ZNF558: variants seen among roughly 807,000 people sequenced by gnomAD.
The protein encoded by ZNF558 is zinc finger protein 558.
A neutral mutation model predicts 37.6 loss-of-function variants in ZNF558; 23 were observed. The observed-to-expected ratio is 0.61, with a 90% CI of 0.44 to 0.87. ZNF558 has a LOEUF of 0.87. Ranked by LOEUF, ZNF558 falls within the 40% of genes least tolerant of loss-of-function variation. The pLI, the probability that ZNF558 is intolerant of heterozygous loss-of-function variation, is 0.00. For synonymous variants in ZNF558, 189 were observed against 174.4 expected (o/e 1.08, Z -0.66); for missense variants, 429 against 483.7 (o/e 0.89, Z 1.06).
intron 2 of ZNF558, 198 bp downstream of exon 2, chr19:8,831,120 G>A (rs1420275422): frequency 1.3e-5 from 2 of 152,102 alleles, no homozygotes; most frequent in Non-Finnish European, 2.9e-5. Context: ...ATACTTATTT[G>A]CATGTAACTG....
intron 2 of ZNF558, among the ~76,000 whole-genome samples, chr19:8,827,455 C>G (rs979852948): frequency 3.3e-5 from 5 of 152,254 alleles, no homozygotes; most frequent in South Asian, 2.1e-4. Flanking sequence ...GCATCACCCT[C>G]TGGCCCACAA....
chr19:8,833,724 T>TA (rs2044416659), upstream of ZNF558, among the ~76,000 whole-genome samples: 1 of 151,446 alleles, frequency 6.6e-6, no homozygotes, highest in South Asian at 2.1e-4. Flanking sequence ...CCTGGTGGCT[T>TA]ACGCTTGTAA....
intron 2 of ZNF558, among the ~76,000 whole-genome samples, chr19:8,827,571 CTTTTTTTTTTTTT>C (rs386388513): frequency 1.1e-5 from 1 of 94,106 alleles, no homozygotes; most frequent in East Asian, 3.7e-4. Flanking sequence ...TTTCCCTATT[CTTTTTTTTTTTTT>C]TTTTTTTTTT....
chr19:8,828,960 C>T (rs2044290681), intron 2 of ZNF558, among the ~76,000 whole-genome samples: 1 of 139,562 alleles, frequency 7.2e-6, no homozygotes, highest in African/African-American at 2.7e-5. Flanking sequence ...GAGATTCTGT[C>T]TCATTAAAAA....
At chr19:8,829,559 T>C (rs1183137792) in intron 2 of ZNF558, among the ~76,000 whole-genome samples, 3 of 152,178 alleles carry the variant, frequency 2.0e-5, no homozygotes, top group Non-Finnish European at 4.4e-5. Context: ...AAAATTTATC[T>C]TCCCTGTTAG....
intron 7 of ZNF558, among the ~76,000 whole-genome samples, chr19:8,820,785 G>A (rs1293308530): frequency 1.3e-5 from 2 of 152,156 alleles, no homozygotes; most frequent in African/African-American, 2.4e-5. Flanking sequence ...CCATAGCTAA[G>A]TTTTTAAAAC....
intron 7 of ZNF558, among the ~76,000 whole-genome samples, chr19:8,814,195 C>T (rs1555769481): frequency 2.6e-5 from 4 of 152,152 alleles, no homozygotes; most frequent in African/African-American, 9.7e-5. Context: ...CCTCTTTCCC[C>T]TGCTTTTTCT....
chr19:8,821,194 T>C lies in ZNF558; in HGVS notation c.233A>G (p.Asn78Ser), dbSNP rs2044078814. 1 of 1,613,984 alleles carries C rather than the reference T, an allele frequency of 6.2e-7. No homozygotes were observed. Among genetic ancestry groups the C allele is most frequent in the Non-Finnish European group, 8.5e-7 (1 of 1,179,902 alleles). Reference sequence around the variant, plus strand: ...ATTAGGCTTACCTAGTGAGGCCAGGTTCCTGCAGTTCTCCAGCATCACATC... The same window carrying C: ...ATTAGGCTTACCTAGTGAGGCCAGGCTCCTGCAGTTCTCCAGCATCACATC... ...YRDVMLENCR[N>S]LASLGCRVNK... Residue 78 changes from asparagine (N) to serine (S), a missense_variant, in exon 7 of 10, where the codon AAC (asparagine) becomes AGC (serine). Asn to Ser is a conservative substitution (Grantham distance 46). Transcript: ENST00000601372.
Position 8,821,253 on chromosome 19 carries a change from C to T in ZNF558, c.174G>A (p.Ala58=), listed in dbSNP as rs373869285. The T allele has an allele frequency of 5.7e-5, 92 of 1,614,074 alleles. 1 individual carries two copies. The highest frequency in any genetic ancestry group is 4.9e-4 in the Middle Eastern group (3 of 6,084). The stretch of plus-strand genomic sequence containing the variant: ...GTGTCCTTTGGGCAGGGTCCAGCAA[C>T]GCCCACTCCTCCTGGGTGAACTCCA... ...VAVEFTQEEW[A]LLDPAQRTLY... The change falls in exon 7 of 10, where the codon GCG becomes GCA. Residue 58 remains alanine, a synonymous_variant. Coordinates refer to ENST00000601372, the MANE Select transcript of ZNF558 (RefSeq NM_144693.3).
At chr19:8,824,773 T>G (rs1322895272) in intron 3 of ZNF558, among the ~76,000 whole-genome samples, 1 of 152,216 alleles carries the variant, frequency 6.6e-6, no homozygotes, top group Non-Finnish European at 1.5e-5. Context: ...CCCGTGCTGC[T>G]AGACCCTTCC....
At chr19:8,832,029 A>C (rs921446538) in intron 1 of ZNF558, 180 bp downstream of exon 1, 4 of 152,532 alleles carry the variant, frequency 2.6e-5, no homozygotes, top group African/African-American at 9.6e-5. Context: ...TGAGGAGGCA[A>C]CAGCGGCGCG....
intron 7 of ZNF558, among the ~76,000 whole-genome samples, chr19:8,818,695 C>G (rs555336556): frequency 6.6e-6 from 1 of 152,104 alleles, no homozygotes; most frequent in African/African-American, 2.4e-5. Flanking sequence ...TACAATGTAA[C>G]AATAATCAAG....
intron 2 of ZNF558, among the ~76,000 whole-genome samples, chr19:8,827,067 A>G (rs1379251215): frequency 6.6e-6 from 1 of 152,128 alleles, no homozygotes; most frequent in African/African-American, 2.4e-5. Flanking sequence ...GGTACCTGGG[A>G]CATTTTCAGG....
intron 4 of ZNF558, among the ~76,000 whole-genome samples, chr19:8,823,192 G>C (rs184903492): frequency 1.6e-4 from 25 of 151,906 alleles, no homozygotes; most frequent in Admixed American, 2.6e-4. Flanking sequence ...CCTCAGCCTT[G>C]GTCATCACCG....
intron 7 of ZNF558, among the ~76,000 whole-genome samples, chr19:8,817,477 G>A (rs2043967304): frequency 6.6e-6 from 1 of 151,734 alleles, no homozygotes; most frequent in African/African-American, 2.4e-5. Context: ...TTCTGAGCAT[G>A]TTTAGGCTAG....
chr19:8,834,287 G>C (rs1454997348), upstream of ZNF558, among the ~76,000 whole-genome samples: 50 of 152,142 alleles, frequency 3.3e-4, 1 homozygote, highest in Admixed American at 3.3e-3. Flanking sequence ...AACAAATTGT[G>C]CTGGGACAAC....
intron 2 of ZNF558, chr19:8,830,627 C>G (rs1368376484): frequency 6.6e-6 from 1 of 152,176 alleles, no homozygotes; most frequent in Non-Finnish European, 1.5e-5. Flanking sequence ...TGCGGTGGCT[C>G]TTGCCTGTAA....
At chr19:8,836,427 T>C (rs1158599096), upstream of ZNF558, among the ~76,000 whole-genome samples, 1 of 151,132 alleles carries the variant, frequency 6.6e-6, no homozygotes, top group Non-Finnish European at 1.5e-5. Context: ...TCTTTCTTCT[T>C]TCCTCCTCCT....
chr19:8,834,932 C>T (rs1172173527), upstream of ZNF558, among the ~76,000 whole-genome samples: 2 of 151,998 alleles, frequency 1.3e-5, no homozygotes, highest in African/African-American at 2.4e-5. Flanking sequence ...AAAAGACAAA[C>T]ATGGACTGGG....
Sources: allele counts gnomAD v4.1 joint callset (sites outside exome capture counted in the v4.1 genomes callset), GRCh38; gene constraint gnomAD v4.1.1; transcripts MANE v1.5; gene names NCBI Gene and HGNC (gene_info 2026-07-23, HGNC 2026-07-21).